Variants in SPPL3 observed in about 807,000 individuals in gnomAD.
The protein encoded by SPPL3 is signal peptide peptidase-like 3.
A neutral mutation model predicts 42.4 loss-of-function variants in SPPL3; 5 were observed. The ratio of observed to expected loss-of-function variants is 0.12; its 90% confidence interval spans 0.06 to 0.25. SPPL3 has a LOEUF of 0.25. Among genes scored for constraint, SPPL3 ranks in the 10% least tolerant of loss-of-function variants. The pLI is 1.00. For missense variants in SPPL3, 235 were observed against 489.0 expected, an observed-to-expected ratio of 0.48 and a Z score of 4.90; for synonymous variants, 195 against 181.8, an observed-to-expected ratio of 1.07 and a Z score of -0.58.
intron 1 of SPPL3, among the ~76,000 whole-genome samples, chr12:120,880,791 G>A (rs924620037): frequency 6.7e-6 from 1 of 149,562 alleles, no homozygotes; most frequent in African/African-American, 2.5e-5. Context: ...CGTCTCGGGG[G>A]AAAAAAAAAT....
At chr12:120,852,285 T>C (rs1294331945) in intron 1 of SPPL3, among the ~76,000 whole-genome samples, 1 of 149,348 alleles carries the variant, frequency 6.7e-6, no homozygotes, top group Non-Finnish European at 1.5e-5. Context: ...TTTGACATTT[T>C]CTATTAAAGA....
At chr12:120,885,639 C>T (rs1271619117) in intron 1 of SPPL3, among the ~76,000 whole-genome samples, 1 of 152,038 alleles carries the variant, frequency 6.6e-6, no homozygotes, top group East Asian at 1.9e-4. Flanking sequence ...GTCACTGGAG[C>T]ACTGATCAGC....
intron 3 of SPPL3, among the ~76,000 whole-genome samples, chr12:120,790,504 T>C (rs2136985123): frequency 6.6e-6 from 1 of 152,372 alleles, no homozygotes; most frequent in Non-Finnish European, 1.5e-5. Context: ...GACCTTACCC[T>C]GTTCTATAGG....
rs188469439 is a variant in SPPL3, at chr12:120,826,119, C to A, written c.24-15233G>T. Reference sequence around the variant, plus strand: ...GACCAGCCTGACCAACATGGAGAAACCCTGTCTCTACTAAAAATACAAAAT... The same window carrying A: ...GACCAGCCTGACCAACATGGAGAAAACCTGTCTCTACTAAAAATACAAAAT... On this transcript the variant is annotated intron_variant, in intron 1 of 10. Transcript: ENST00000353487. 1.5e-3 allele frequency among the ~76,000 whole-genome samples: 221 copies of A among 151,454 alleles called. 2 individuals are homozygous for A. The highest frequency in any genetic ancestry group is 1.5e-4 in the Non-Finnish European group (10 of 67,762).
At chr12:120,897,183 C>T (rs977629409) in intron 1 of SPPL3, among the ~76,000 whole-genome samples, 6 of 152,132 alleles carry the variant, frequency 3.9e-5, no homozygotes, top group African/African-American at 1.2e-4. Context: ...TAAATGATCA[C>T]GTAGAAATCT....
At chr12:120,855,198 T>A (rs1486142261) in intron 1 of SPPL3, among the ~76,000 whole-genome samples, 2 of 152,120 alleles carry the variant, frequency 1.3e-5, no homozygotes, top group Non-Finnish European at 2.9e-5. Context: ...TAATAACTTA[T>A]AAAGTACATC....
intron 1 of SPPL3, among the ~76,000 whole-genome samples, chr12:120,851,653 G>C (rs1872228303): frequency 6.6e-6 from 1 of 152,094 alleles, no homozygotes; most frequent in Non-Finnish European, 1.5e-5. Flanking sequence ...ACCCAGGCAG[G>C]AGTGCAGTGG....
intron 1 of SPPL3, among the ~76,000 whole-genome samples, chr12:120,895,427 CA>C (rs11445980): frequency 1.2e-3 from 165 of 135,394 alleles, no homozygotes; most frequent in Middle Eastern, 3.8e-3. Flanking sequence ...AACTCCATCT[CA>C]AAAAAAAAAA....
At chr12:120,866,367 G>A (rs902330477) in intron 1 of SPPL3, among the ~76,000 whole-genome samples, 11 of 152,272 alleles carry the variant, frequency 7.2e-5, no homozygotes, top group South Asian at 2.1e-4. Flanking sequence ...CTGGGAATCC[G>A]TGTAACAACA....
chr12:120,817,363 C>T (rs903640328), intron 1 of SPPL3, among the ~76,000 whole-genome samples: 10 of 152,156 alleles, frequency 6.6e-5, no homozygotes, highest in Admixed American at 1.3e-4. Context: ...ACCAGAAATA[C>T]TCTTTCCATC....
chr12:120,794,342 A>G (rs531489746), intron 2 of SPPL3, among the ~76,000 whole-genome samples: 1 of 152,190 alleles, frequency 6.6e-6, no homozygotes, highest in South Asian at 2.1e-4. Context: ...TGCTTCTTGT[A>G]AGCAGCATAT....
chr12:120,814,641 A>G (rs1208902921), intron 1 of SPPL3, among the ~76,000 whole-genome samples: 7 of 151,690 alleles, frequency 4.6e-5, no homozygotes, highest in African/African-American at 1.2e-4. Context: ...ACAAAAATCA[A>G]AAGTATATTA....
chr12:120,778,399 G>A (rs762050135), intron 6 of SPPL3, among the ~76,000 whole-genome samples: 6 of 151,986 alleles, frequency 3.9e-5, no homozygotes, highest in Non-Finnish European at 8.8e-5. Context: ...TTACAAGCAT[G>A]AGCCACCGCG....
chr12:120,888,513 T>C (rs896300559), intron 1 of SPPL3, among the ~76,000 whole-genome samples: 1 of 152,142 alleles, frequency 6.6e-6, no homozygotes, highest in Non-Finnish European at 1.5e-5. Context: ...TGCTACAACA[T>C]GGATGAGCCT....
chr12:120,771,425 G>A (rs577005172), intron 6 of SPPL3, among the ~76,000 whole-genome samples: 4 of 152,330 alleles, frequency 2.6e-5, no homozygotes, highest in East Asian at 1.9e-4. Flanking sequence ...TCCGCTCCTC[G>A]TCTTTCACAG....
intron 1 of SPPL3, among the ~76,000 whole-genome samples, chr12:120,899,071 T>A (rs1485095817): frequency 3.9e-5 from 6 of 152,206 alleles, no homozygotes; most frequent in African/African-American, 9.6e-5. Flanking sequence ...CTCAAATTAA[T>A]AAAAGTCTAG....
At chr12:120,901,191 T>TCACCTA (rs1200339782) in intron 1 of SPPL3, among the ~76,000 whole-genome samples, 1 of 152,128 alleles carries the variant, frequency 6.6e-6, no homozygotes, top group Non-Finnish European at 1.5e-5. Context: ...CAGGGAAATA[T>TCACCTA]CACCTACCTC....
intron 1 of SPPL3, among the ~76,000 whole-genome samples, chr12:120,853,976 G>GCACACACA (rs1246999754): frequency 7.9e-4 from 51 of 64,170 alleles, no homozygotes; most frequent in East Asian, 1.9e-3. Flanking sequence ...CCACACACAC[G>GCACACACA]CACACATACA....
At chr12:120,874,466 A>G (rs564613720) in intron 1 of SPPL3, among the ~76,000 whole-genome samples, 1 of 151,926 alleles carries the variant, frequency 6.6e-6, no homozygotes, top group Non-Finnish European at 1.5e-5. Context: ...AAAAAAAAAA[A>G]AAAAGAATAA....
Sources: allele counts gnomAD v4.1 joint callset (sites outside exome capture counted in the v4.1 genomes callset), GRCh38; gene constraint gnomAD v4.1.1; transcripts MANE v1.5; gene names NCBI Gene and HGNC (gene_info 2026-07-23, HGNC 2026-07-21).